ST6GAL2: variants seen among roughly 807,000 people sequenced by gnomAD.
ST6GAL2 encodes beta-galactoside alpha-2,6-sialyltransferase 2.
A neutral mutation model predicts 37.5 loss-of-function variants in ST6GAL2; 24 were observed. That is an observed-to-expected ratio of 0.64 (90% confidence interval 0.46 to 0.90). The LOEUF (loss-of-function observed/expected upper bound fraction) is 0.90, where lower values mean the gene tolerates loss of function less well. Among genes scored for constraint, ST6GAL2 ranks in the 40% least tolerant of loss-of-function variants. The probability of loss-of-function intolerance (pLI) is 0.00; values close to 1 mark genes in which losing one functional copy is unlikely to be tolerated. For synonymous variants in ST6GAL2, 306 were observed against 295.1 expected, an observed-to-expected ratio of 1.04 and a Z score of -0.38; for missense variants, 715 against 712.7, an observed-to-expected ratio of 1.00 and a Z score of -0.04.
chr2:106,861,619 C>CT (rs904512428), intron 1 of ST6GAL2, among the ~76,000 whole-genome samples: 23 of 151,382 alleles, frequency 1.5e-4, no homozygotes, highest in African/African-American at 4.4e-4. Flanking sequence ...TTTATTCTTT[C>CT]TTTTTTTTCT....
chr2:106,844,710 C>G (rs1677075410), intron 1 of ST6GAL2, among the ~76,000 whole-genome samples: 1 of 152,140 alleles, frequency 6.6e-6, no homozygotes, highest in Non-Finnish European at 1.5e-5. Context: ...CCTACTTCAC[C>G]CTTACCGTGA....
chr2:106,833,279 C>T (rs1414732258), intron 3 of ST6GAL2, among the ~76,000 whole-genome samples: 1 of 151,526 alleles, frequency 6.6e-6, no homozygotes, highest in African/African-American at 2.4e-5. Flanking sequence ...GATATGTATT[C>T]TAATTTGGTG....
intron 1 of ST6GAL2, among the ~76,000 whole-genome samples, chr2:106,851,288 C>T (rs1233707710): frequency 1.3e-5 from 2 of 152,160 alleles, no homozygotes; most frequent in Non-Finnish European, 2.9e-5. Flanking sequence ...CTGGAAATCA[C>T]GGTGATTGTT....
intron 1 of ST6GAL2, among the ~76,000 whole-genome samples, chr2:106,856,400 C>A (rs577499875): frequency 1.3e-5 from 2 of 152,210 alleles, no homozygotes; most frequent in Admixed American, 1.3e-4. Flanking sequence ...CTCTGTAGAC[C>A]CAAACTGTCC....
chr2:106,842,785 G>T (rs552473538), intron 2 of ST6GAL2, among the ~76,000 whole-genome samples: 1 of 152,240 alleles, frequency 6.6e-6, no homozygotes, highest in Admixed American at 6.5e-5. Flanking sequence ...GACCCTTCCT[G>T]CTCCCTAGCA....
rs1297752290 is a variant in ST6GAL2, at chr2:106,802,326, T to C, written c.*4352A>G. ...ATAAAACCAACCATGTGTGTAGATA[T>C]GTATATACACAATTATATAACTATA... is the stretch of plus-strand genomic sequence containing the variant. On this transcript the variant is annotated 3_prime_UTR_variant, in exon 6 of 6. Transcript: ENST00000409382. The C allele has an allele frequency of 6.6e-6, 1 of 152,128 alleles. No homozygotes were observed. The highest frequency in any genetic ancestry group is 2.4e-5 in the African/African-American group (1 of 41,428). 9.4% of individuals were successfully genotyped at this position (152,128 alleles called of 1,614,324 possible).
rs868851917 is a variant in ST6GAL2, at chr2:106,811,490, G to A, written c.1319-4541C>T. ...TTCAACATCTATCAAGCTGACCACG[G>A]TACTAATCATTGGCAATTTAGAGCA... is the stretch of plus-strand genomic sequence containing the variant. On this transcript the variant is annotated intron_variant, in intron 5 of 5. Transcript: ENST00000409382. 7.9e-5 allele frequency among the ~76,000 whole-genome samples: 12 copies of A among 152,190 alleles called. No individual in the cohort carries two copies. In the South Asian group the frequency reaches 1.2e-3, roughly 16 times the overall value.
At chr2:106,807,469 T>C (rs2104408749) in intron 5 of ST6GAL2, among the ~76,000 whole-genome samples, 1 of 152,308 alleles carries the variant, frequency 6.6e-6, no homozygotes, top group South Asian at 2.1e-4. Flanking sequence ...GCTCTTATAC[T>C]ATAGTTGTCT....
chr2:106,811,169 T>C (rs1675595150), intron 5 of ST6GAL2, among the ~76,000 whole-genome samples: 1 of 152,200 alleles, frequency 6.6e-6, no homozygotes, highest in Admixed American at 6.5e-5. Context: ...AGATTCAGAC[T>C]CTGTCATATA....
chr2:106,854,205 T>C (rs571227761), intron 1 of ST6GAL2, among the ~76,000 whole-genome samples: 20 of 152,288 alleles, frequency 1.3e-4, no homozygotes, highest in African/African-American at 4.3e-4. Flanking sequence ...CAGAGTGAGA[T>C]AGATAATGCC....
upstream of ST6GAL2, chr2:106,886,318 G>A (rs998243881): frequency 2.6e-5 from 4 of 152,204 alleles, no homozygotes; most frequent in Admixed American, 2.0e-4. Flanking sequence ...GCTGCAGAAG[G>A]CGAGTGCGCG....
At position 106,814,010 on chromosome 2, in the gene ST6GAL2, G is replaced by A. The variant is rs73949761; in HGVS notation, c.1319-7061C>T. 2.1e-3 allele frequency among the ~76,000 whole-genome samples: 318 copies of A among 152,310 alleles called. 2 individuals are homozygous for A. The highest frequency in any genetic ancestry group is 7.4e-3 in the African/African-American group (307 of 41,570). On this transcript the variant is annotated intron_variant, in intron 5 of 5. Transcript: ENST00000409382. ...TTGAGATTCTTAAAGAGATAAAAGT[G>A]ACTTTTTAAGTGGTAGTTCTAGAAA...
At chr2:106,826,353 A>T (rs1050703029) in intron 5 of ST6GAL2, among the ~76,000 whole-genome samples, 8 of 152,114 alleles carry the variant, frequency 5.3e-5, no homozygotes, top group Non-Finnish European at 1.2e-4. Context: ...TCACATGTTG[A>T]AAGCAGGGGC....
chr2:106,887,111 A>T (rs1679037416), upstream of ST6GAL2: 1 of 152,010 alleles, frequency 6.6e-6, no homozygotes, highest in Admixed American at 6.5e-5. Flanking sequence ...GGCGGAAGTG[A>T]GTCTTTGTGT....
chr2:106,813,123 T>C, intron 5 of ST6GAL2: 1 of 1,255,002 alleles, frequency 8.0e-7, no homozygotes, highest in South Asian at 3.3e-5. Context: ...AGTTTTTTTT[T>C]TTTTTTTGAG....
Position 106,806,541 on chromosome 2 carries a change from G to A in ST6GAL2, c.*137C>T. On this transcript the variant is annotated 3_prime_UTR_variant, in exon 6 of 6. Coordinates refer to ENST00000409382, the MANE Select transcript of ST6GAL2 (RefSeq NM_001142351.2). Reference sequence around the variant, plus strand: ...CATACTCAATGGCTTAGAAAGAGAAGGATTATCATGACCACCACTAAATTA... The same window carrying A: ...CATACTCAATGGCTTAGAAAGAGAAAGATTATCATGACCACCACTAAATTA... 2 of 964,542 alleles carry A rather than the reference G, an allele frequency of 2.1e-6. No homozygotes were observed. Among genetic ancestry groups the A allele is most frequent in the South Asian group, 3.3e-5 (2 of 61,526 alleles). The allele number at this position is 964,542 out of a possible 1,614,324, so 59.7% of individuals were successfully genotyped here.
intron 5 of ST6GAL2, chr2:106,812,982 G>A (rs1675664891): frequency 8.8e-7 from 1 of 1,140,898 alleles, no homozygotes; most frequent in Non-Finnish European, 1.1e-6. Context: ...TTCAACATGA[G>A]GCTGGACTTT....
Position 106,830,253 on chromosome 2 carries a change from A to T in ST6GAL2, c.1144-13T>A, listed in dbSNP as rs753817116. 1.2e-6 allele frequency: 2 copies of T among 1,603,076 alleles called. No homozygotes were observed. The highest frequency in any genetic ancestry group is 2.7e-5 in the African/African-American group (2 of 74,508). On this transcript the variant is annotated splice_polypyrimidine_tract_variant and intron_variant, in intron 4 of 5. Coordinates refer to ENST00000409382, the MANE Select transcript of ST6GAL2 (RefSeq NM_001142351.2). ...GTTTTTTGTACCACTAAGGAAAAAA[A>T]AATCAATGCAGTCAAGTAGAAAGAA...
intron 1 of ST6GAL2, among the ~76,000 whole-genome samples, chr2:106,880,510 G>C (rs536557613): frequency 3.9e-5 from 6 of 152,364 alleles, no homozygotes; most frequent in Admixed American, 6.5e-5. Flanking sequence ...CAAGGGAGTA[G>C]AGGTTCTTGC....
Sources: gnomAD v4.1 joint callset for allele counts (sites outside exome capture counted in the v4.1 genomes callset) on GRCh38, gnomAD v4.1.1 for gene constraint, MANE v1.5 for transcripts, NCBI Gene and HGNC (gene_info 2026-07-23, HGNC 2026-07-21) for gene names.